The following KIR3DL1 variants were observed in gnomAD, a reference collection of about 807,000 sequenced individuals.
KIR3DL1 encodes the protein killer cell immunoglobulin like receptor, three Ig domains and long cytoplasmic tail 1, also known as killer cell immunoglobulin-like receptor 3DL1.
In KIR3DL1, 50 loss-of-function variants were observed where a neutral mutation model predicts 40.3. The observed-to-expected ratio is 1.24, with a 90% CI of 0.99 to 1.57. KIR3DL1 has a LOEUF of 1.57. Among genes scored for constraint, KIR3DL1 ranks in the 40% most tolerant of loss-of-function variants. The probability of loss-of-function intolerance (pLI) is 0.00; values close to 1 mark genes in which losing one functional copy is unlikely to be tolerated. For missense variants in KIR3DL1, 661 were observed against 559.9 expected (o/e 1.18, Z -1.82); for synonymous variants, 257 against 207.2 (o/e 1.24, Z -2.07).
intron 6 of KIR3DL1, among the ~76,000 whole-genome samples, chr19:54,827,738 T>C (rs1051252264): frequency 3.3e-5 from 5 of 150,924 alleles, no homozygotes; most frequent in African/African-American, 9.9e-5. Context: ...ATCTTATCCA[T>C]TAGGCAATCA....
In KIR3DL1 at chr19:54,825,018, C is replaced by A; in HGVS notation, c.950-10C>A. On this transcript the variant is annotated splice_polypyrimidine_tract_variant and intron_variant, in intron 5 of 8. Coordinates refer to ENST00000391728, the Ensembl canonical transcript of KIR3DL1. Reference sequence around the variant, plus strand: ...TCATTTCCTCACATCTCTCCTGTCCCATGTTCTAGGAAACCCTTCAAGTAG... The same window carrying A: ...TCATTTCCTCACATCTCTCCTGTCCAATGTTCTAGGAAACCCTTCAAGTAG... 1.3e-6 allele frequency: 2 copies of A among 1,500,958 alleles called. No homozygotes were observed. Among genetic ancestry groups the A allele is most frequent in the South Asian group, 2.2e-5 (2 of 89,032 alleles). The allele number at this position is 1,500,958 out of a possible 1,614,324, so 93.0% of individuals were successfully genotyped here.
At chr19:54,829,951 C>A in exon 8 of KIR3DL1, 1 of 1,523,940 alleles carries the variant, frequency 6.6e-7, no homozygotes, top group Non-Finnish European at 8.9e-7. Flanking sequence ...GGACCAAGAG[C>A]CTGCAGGGAA....
chr19:54,824,273 A>G (rs1419226591), intron 5 of KIR3DL1, among the ~76,000 whole-genome samples: 1 of 151,484 alleles, frequency 6.6e-6, no homozygotes, highest in African/African-American at 2.4e-5. Flanking sequence ...GTATGGTGAC[A>G]GGTATAGATG....
intron 6 of KIR3DL1, among the ~76,000 whole-genome samples, 192 bp downstream of exon 6, chr19:54,825,270 A>G (rs1165320909): frequency 2.7e-5 from 4 of 150,012 alleles, no homozygotes; most frequent in African/African-American, 1.0e-4. Context: ...CTTAACCTTT[A>G]ATGTCCTGCA....
chr19:54,821,443 AG>A (rs2061627952), intron 4 of KIR3DL1, 121 bp from the exon 5 acceptor site: 2 of 1,227,620 alleles, frequency 1.6e-6, no homozygotes, highest in East Asian at 4.8e-5. Flanking sequence ...GATGGGGTGG[AG>A]GGTGAGAGAG....
At chr19:54,816,555 G>C (rs113781743) in intron 1 of KIR3DL1, 21 bp downstream of exon 1, 7 of 1,608,088 alleles carry the variant, frequency 4.4e-6, no homozygotes, top group Non-Finnish European at 5.9e-6. Context: ...GAAGGGAATC[G>C]AGGGAGGGAG....
At chr19:54,823,197 G>A (rs541363547) in intron 5 of KIR3DL1, among the ~76,000 whole-genome samples, 3 of 150,860 alleles carry the variant, frequency 2.0e-5, no homozygotes, top group South Asian at 2.1e-4. Flanking sequence ...ACCATGCCTG[G>A]CTAATTTTTG....
chr19:54,818,734 A>T, intron 3 of KIR3DL1, 135 bp downstream of exon 3: 1 of 1,158,476 alleles, frequency 8.6e-7, no homozygotes, highest in Non-Finnish European at 1.2e-6. Context: ...ATACAGGGGA[A>T]ATGGGTGCTG....
intron 3 of KIR3DL1, among the ~76,000 whole-genome samples, chr19:54,819,411 T>C (rs1360615265): frequency 7.5e-6 from 1 of 133,716 alleles, no homozygotes; most frequent in African/African-American, 2.6e-5. Flanking sequence ...CAGCCTGTCC[T>C]CTTCCACCCC....
exon 4 of KIR3DL1, chr19:54,819,973 T>C (rs764229203): frequency 1.9e-6 from 3 of 1,611,388 alleles, no homozygotes; most frequent in East Asian, 2.2e-5. Flanking sequence ...CCCCTATCAG[T>C]TGTCAGCTCC....
rs1459541358 is a variant in KIR3DL1, at chr19:54,827,978, C to T, written c.1001-1383C>T. Among the ~76,000 whole-genome samples, 3 of 150,336 alleles carry T rather than the reference C, an allele frequency of 2.0e-5. No homozygotes were observed. In the South Asian group the frequency reaches 6.4e-4, roughly 32 times the overall value. On this transcript the variant is annotated intron_variant, in intron 6 of 8. Transcript: ENST00000391728. The stretch of plus-strand genomic sequence containing the variant: ...AATGCTAATACTCCTTGGAGTGAGT[C>T]CAGATCTTGGAATCAGAGATCAGTG...
intron 4 of KIR3DL1, 40 bp downstream of exon 4, chr19:54,820,052 A>G: frequency 6.3e-7 from 1 of 1,589,186 alleles, no homozygotes; most frequent in Admixed American, 1.7e-5. Flanking sequence ...TCACTGGGAC[A>G]CAGAGTGAAT....
chr19:54,817,470 T>A, intron 1 of KIR3DL1, 64 bp from the exon 2 acceptor site: 1 of 1,321,168 alleles, frequency 7.6e-7, no homozygotes, highest in Non-Finnish European at 1.1e-6. Context: ...CACAGCCCAG[T>A]GGGGGCAGCA....
In KIR3DL1 at chr19:54,816,707, G is replaced by T. The variant is rs558125986; in HGVS notation, c.34+173G>T. ...GGCCTGGAGTGGAGATAGGGGCCTG[G>T]GGTGGAGATATGTGCCTGGAGTGGA... On this transcript the variant is annotated intron_variant, in intron 1 of 8. Coordinates refer to ENST00000391728, the Ensembl canonical transcript of KIR3DL1. Among the ~76,000 whole-genome samples the T allele has an allele frequency of 3.1e-3, 428 of 136,486 alleles. 9 individuals are homozygous for T. Among genetic ancestry groups the T allele is most frequent in the African/African-American group, 0.011 (396 of 34,918 alleles). 89.5% of individuals were successfully genotyped at this position (136,486 alleles called of 152,430 possible).
At chr19:54,823,330 C>T (rs1429415894) in intron 5 of KIR3DL1, among the ~76,000 whole-genome samples, 3 of 151,228 alleles carry the variant, frequency 2.0e-5, no homozygotes, top group Non-Finnish European at 4.4e-5. Flanking sequence ...AGCCACTATG[C>T]CCAGCCTCCT....
chr19:54,823,178 G>T (rs1469354699), intron 5 of KIR3DL1, among the ~76,000 whole-genome samples: 2 of 150,788 alleles, frequency 1.3e-5, no homozygotes, highest in Non-Finnish European at 2.9e-5. Flanking sequence ...GTGATTACAG[G>T]TGCACGCCAC....
intron 6 of KIR3DL1, among the ~76,000 whole-genome samples, chr19:54,827,152 G>C (rs1244745504): frequency 6.6e-6 from 1 of 151,314 alleles, no homozygotes; most frequent in Non-Finnish European, 1.5e-5. Flanking sequence ...TTGCAGGGAG[G>C]GCTTGCTGGG....
intron 4 of KIR3DL1, 55 bp from the exon 5 acceptor site, chr19:54,821,510 G>C (rs1333710092): frequency 1.3e-6 from 2 of 1,554,460 alleles, no homozygotes; most frequent in Non-Finnish European, 1.7e-6. Flanking sequence ...TCAGGTATGA[G>C]GGGAGCTATG....
In KIR3DL1 at chr19:54,820,097, G is replaced by C. The variant is rs1230410032; in HGVS notation, c.655+85G>C. 2.6e-5 allele frequency: 37 copies of C among 1,404,692 alleles called. 1 individual carries two copies. Among genetic ancestry groups the C allele is most frequent in the Non-Finnish European group, 3.6e-5 (36 of 1,012,748 alleles). 87.0% of individuals were successfully genotyped at this position (1,404,692 alleles called of 1,614,324 possible). A position where few individuals can be genotyped will look rare whatever the true frequency, so the allele number is the denominator to read the frequency against. ...CTTGGAACCCCCAGGTGGTCATGAG[G>C]AAGATAAGTGTGGGATTCTTATGGA... On this transcript the variant is annotated intron_variant, in intron 4 of 8. Transcript: ENST00000391728.
Sources: gnomAD v4.1 joint callset for allele counts (sites outside exome capture counted in the v4.1 genomes callset) on GRCh38, gnomAD v4.1.1 for gene constraint, MANE v1.5 for transcripts, NCBI Gene and HGNC (gene_info 2026-07-23, HGNC 2026-07-21) for gene names.